The following GNAL variants were observed in gnomAD, a reference collection of about 807,000 sequenced individuals.
GNAL encodes G protein subunit alpha L, also known as guanine nucleotide-binding protein G(olf) subunit alpha.
In GNAL, 18 loss-of-function variants were observed where a neutral mutation model predicts 55.1. That is an observed-to-expected ratio of 0.33 (90% CI 0.23 to 0.48). The LOEUF (loss-of-function observed/expected upper bound fraction) is 0.48. Ranked by LOEUF, GNAL falls within the 20% of genes least tolerant of loss-of-function variation. GNAL has a pLI of 0.99. For missense variants in GNAL, 412 were observed against 614.1 expected, an observed-to-expected ratio of 0.67 and a Z score of 3.48; for synonymous variants, 253 against 237.0, an observed-to-expected ratio of 1.07 and a Z score of -0.62.
chr18:11,852,136 C>T (rs753331493), intron 5 of GNAL: 1 of 1,548,338 alleles, frequency 6.5e-7, no homozygotes, highest in African/African-American at 1.4e-5. Context: ...CTGAGGTTTC[C>T]TGGCCATAGC....
At chr18:11,872,865 A>C (rs530151183) in intron 10 of GNAL, among the ~76,000 whole-genome samples, 1 of 152,350 alleles carries the variant, frequency 6.6e-6, no homozygotes, top group African/African-American at 2.4e-5. Flanking sequence ...CAGGCAAGGC[A>C]GTCCTTGCAC....
At chr18:11,770,321 A>T (rs1480375989) in intron 4 of GNAL, among the ~76,000 whole-genome samples, 1 of 152,218 alleles carries the variant, frequency 6.6e-6, no homozygotes, top group African/African-American at 2.4e-5. Flanking sequence ...TACCTCAATG[A>T]TTATTCTTCA....
intron 1 of GNAL, among the ~76,000 whole-genome samples, chr18:11,740,255 C>G (rs1376970668): frequency 6.6e-6 from 1 of 151,990 alleles, no homozygotes; most frequent in Non-Finnish European, 1.5e-5. Context: ...GTGGTGTACC[C>G]CCAGCATTTT....
intron 5 of GNAL, among the ~76,000 whole-genome samples, chr18:11,827,109 T>C (rs2035266471): frequency 6.6e-6 from 1 of 152,094 alleles, no homozygotes; most frequent in South Asian, 2.1e-4. Flanking sequence ...TTAACCTCCT[T>C]CTTACCTTGT....
chr18:11,816,441 C>G (rs1002691385), intron 4 of GNAL, among the ~76,000 whole-genome samples: 1 of 151,934 alleles, frequency 6.6e-6, no homozygotes, highest in African/African-American at 2.4e-5. Flanking sequence ...GGACTACAGG[C>G]GCCCGCCACC....
chr18:11,884,556 G>A lies in GNAL; in HGVS notation c.*3421G>A. On this transcript the variant is annotated 3_prime_UTR_variant, in exon 12 of 12. Coordinates refer to ENST00000334049, the MANE Select transcript of GNAL (RefSeq NM_182978.4). ...CAAGGAAGCCCACCACTCCACAGTAGATGATCAAAACCACATCCTCACGTG... is the reference window on the plus strand; with the variant it reads ...CAAGGAAGCCCACCACTCCACAGTAAATGATCAAAACCACATCCTCACGTG... The A allele has an allele frequency of 6.2e-7, 1 of 1,614,056 alleles. No homozygotes were observed. The highest frequency in any genetic ancestry group is 8.5e-7 in the Non-Finnish European group (1 of 1,180,024).
chr18:11,812,661 T>C (rs927123481), intron 4 of GNAL, among the ~76,000 whole-genome samples: 1 of 151,960 alleles, frequency 6.6e-6, no homozygotes, highest in Admixed American at 6.6e-5. Context: ...CCAGCCAACA[T>C]GGTGAAACCC....
At chr18:11,741,943 T>G (rs184604782) in intron 1 of GNAL, among the ~76,000 whole-genome samples, 2 of 152,220 alleles carry the variant, frequency 1.3e-5, no homozygotes, top group South Asian at 4.1e-4. Context: ...TTCGCATCAT[T>G]GTGCAATCTT....
chr18:11,810,140 CAGCACT>C (rs1294462452), intron 4 of GNAL, among the ~76,000 whole-genome samples: 1 of 152,226 alleles, frequency 6.6e-6, no homozygotes, highest in Non-Finnish European at 1.5e-5. Flanking sequence ...CCTATAATGT[CAGCACT>C]TTGGGAGGCC....
At chr18:11,783,974 C>G (rs2033989404) in intron 4 of GNAL, among the ~76,000 whole-genome samples, 2 of 152,224 alleles carry the variant, frequency 1.3e-5, no homozygotes, top group African/African-American at 2.4e-5. Flanking sequence ...GAAGCTCCAT[C>G]TGTGCATGTT....
intron 4 of GNAL, among the ~76,000 whole-genome samples, chr18:11,786,615 A>AT (rs61303052): frequency 1.4e-3 from 185 of 132,964 alleles, no homozygotes; most frequent in Admixed American, 3.2e-3. Context: ...CACCTGGCTA[A>AT]TTTTTTTTTT....
rs568426170 is a variant in GNAL at position 11,778,210 on chromosome 18, A to G, written c.624+24265A>G. 2.0e-5 allele frequency among the ~76,000 whole-genome samples: 3 copies of G among 152,302 alleles called. No homozygotes were observed. In the South Asian group the frequency reaches 6.2e-4, roughly 32 times the overall value. ...TGCCTTAAGAGTTGAAAAGTTTTTC[A>G]TTTGACCACTAGTAGTTTTCACCCT... On this transcript the variant is annotated intron_variant, in intron 4 of 11. Transcript: ENST00000334049.
intron 5 of GNAL, among the ~76,000 whole-genome samples, chr18:11,829,935 G>A (rs1330714085): frequency 2.0e-5 from 3 of 152,138 alleles, no homozygotes; most frequent in Non-Finnish European, 4.4e-5. Context: ...GCTTGAACCT[G>A]GGAGGCAGAG....
chr18:11,764,349 C>T (rs1348725702), intron 4 of GNAL, among the ~76,000 whole-genome samples: 5 of 152,068 alleles, frequency 3.3e-5, no homozygotes, highest in African/African-American at 9.7e-5. Context: ...TTAAGTAATC[C>T]GCCCACCTTG....
At chr18:11,803,534 T>G (rs947012660) in intron 4 of GNAL, among the ~76,000 whole-genome samples, 2 of 152,280 alleles carry the variant, frequency 1.3e-5, no homozygotes, top group African/African-American at 4.8e-5. Context: ...TTATATATTA[T>G]CTTTATTATT....
intron 1 of GNAL, among the ~76,000 whole-genome samples, chr18:11,715,393 A>G (rs571740722): frequency 4.7e-5 from 7 of 150,230 alleles, no homozygotes; most frequent in South Asian, 4.3e-4. Context: ...CCCGGGAGGC[A>G]GAGCTTGCAG....
At chr18:11,721,481 C>T (rs1431488420) in intron 1 of GNAL, among the ~76,000 whole-genome samples, 1 of 152,034 alleles carries the variant, frequency 6.6e-6, no homozygotes, top group African/African-American at 2.4e-5. Flanking sequence ...CGGCTGGACA[C>T]GGTGACTCAA....
chr18:11,827,634 T>A (rs2035280561), intron 5 of GNAL, among the ~76,000 whole-genome samples: 1 of 145,720 alleles, frequency 6.9e-6, no homozygotes, highest in Non-Finnish European at 1.5e-5. Flanking sequence ...ATTAAAAAAT[T>A]AAAAATGTCC....
intron 5 of GNAL, among the ~76,000 whole-genome samples, chr18:11,845,293 CCTT>C (rs1286943497): frequency 1.3e-5 from 2 of 152,160 alleles, no homozygotes; most frequent in African/African-American, 4.8e-5. Flanking sequence ...GCAATCCTGT[CCTT>C]CTATCTTCAG....
Sources: gnomAD v4.1 joint callset for allele counts (sites outside exome capture counted in the v4.1 genomes callset) on GRCh38, gnomAD v4.1.1 for gene constraint, MANE v1.5 for transcripts, NCBI Gene and HGNC (gene_info 2026-07-23, HGNC 2026-07-21) for gene names.